The following CCDC88C variants were observed in gnomAD, a reference collection of about 807,000 sequenced individuals.
The protein encoded by CCDC88C is protein Daple.
In CCDC88C, 131 loss-of-function variants were observed where a neutral mutation model predicts 198.8. The ratio of observed to expected loss-of-function variants is 0.66; its 90% CI spans 0.57 to 0.76. The LOEUF (loss-of-function observed/expected upper bound fraction) is 0.76. CCDC88C is among the 30% of genes least tolerant of loss of function. The pLI, the probability that CCDC88C is intolerant of heterozygous loss-of-function variation, is 0.00. For missense variants in CCDC88C, 2,553 were observed against 2,631.6 expected (o/e 0.97, Z 0.65); for synonymous variants, 1,166 against 1,114.7 (o/e 1.05, Z -0.92).
chr14:91,386,046 T>C (rs762013391), intron 3 of CCDC88C, among the ~76,000 whole-genome samples: 4 of 152,140 alleles, frequency 2.6e-5, no homozygotes, highest in African/African-American at 4.8e-5. Context: ...CAGGGCCTCA[T>C]TACCTATCTG....
intron 23 of CCDC88C, among the ~76,000 whole-genome samples, chr14:91,291,868 G>C (rs538516484): frequency 1.4e-4 from 21 of 152,310 alleles, no homozygotes; most frequent in Admixed American, 2.6e-4. Flanking sequence ...GCTTACCGGG[G>C]AGACCTTGGC....
At position 91,278,216 on chromosome 14, in the gene CCDC88C, G is replaced by C. The variant is rs1217536362; in HGVS notation, c.4769-5C>G. On this transcript the variant is annotated splice_polypyrimidine_tract_variant and splice_region_variant and intron_variant, in intron 28 of 29. Transcript: ENST00000389857. ...CATGGAGCTGCTCGGAGGAGCCTGG[G>C]TGTCAGGGCAGGAGACAGAGGACCC... 1.3e-6 allele frequency: 2 copies of C among 1,590,656 alleles called. No individual in the cohort carries two copies. Among genetic ancestry groups the C allele is most frequent in the Non-Finnish European group, 8.6e-7 (1 of 1,165,324 alleles).
intron 3 of CCDC88C, among the ~76,000 whole-genome samples, chr14:91,392,747 A>ACTCTCACCGCGCCCCTCACTCTCACCG (rs1567118385): frequency 3.4e-5 from 5 of 147,494 alleles, no homozygotes; most frequent in African/African-American, 1.3e-4. Flanking sequence ...CACTCTCACC[A>ACTCTCACCGCGCCCCTCACTCTCACCG]CGCCCCTCAC....
At chr14:91,274,354 C>CT (rs1318537176) in intron 29 of CCDC88C, among the ~76,000 whole-genome samples, 1 of 152,208 alleles carries the variant, frequency 6.6e-6, no homozygotes, top group African/African-American at 2.4e-5. Flanking sequence ...TGTGCTTCCC[C>CT]TGCCCAGGGA....
At chr14:91,302,148 A>C (rs982991267) in intron 20 of CCDC88C, among the ~76,000 whole-genome samples, 4 of 152,222 alleles carry the variant, frequency 2.6e-5, no homozygotes, top group African/African-American at 9.6e-5. Flanking sequence ...ACCCACAAGC[A>C]TCATCAGCGC....
rs1894772751 is a variant in CCDC88C at position 91,371,048 on chromosome 14, G to A, written c.271-11337C>T. Among the ~76,000 whole-genome samples, 1 of 152,150 alleles carries A rather than the reference G, an allele frequency of 6.6e-6. No individual in the cohort carries two copies. Among genetic ancestry groups the A allele is most frequent in the Non-Finnish European group, 1.5e-5 (1 of 68,014 alleles). ...AGAAGGACTTCAAGGATTAGGCTAA[G>A]GATGGAGAGAGCAGGACCCTTTCCC... On this transcript the variant is annotated intron_variant, in intron 3 of 29. Transcript: ENST00000389857. This position sits in a 1 kb window ranked among gnomAD's most constrained non-coding sequence, Gnocchi z 4.2.
At chr14:91,382,164 A>G (rs1884838888) in intron 3 of CCDC88C, among the ~76,000 whole-genome samples, 1 of 152,158 alleles carries the variant, frequency 6.6e-6, no homozygotes. Context: ...AACACTGTGT[A>G]TGGAGCGCTA....
intron 10 of CCDC88C, among the ~76,000 whole-genome samples, chr14:91,334,866 A>G (rs769952726): frequency 6.6e-6 from 1 of 152,170 alleles, no homozygotes; most frequent in Admixed American, 6.5e-5. Flanking sequence ...TCCCATCTCA[A>G]AGCAGCTCAG....
intron 4 of CCDC88C, among the ~76,000 whole-genome samples, chr14:91,358,406 C>T (rs1894142662): frequency 6.6e-6 from 1 of 152,174 alleles, no homozygotes; most frequent in South Asian, 2.1e-4. Flanking sequence ...TGACCCCTCA[C>T]CTACTCCAGG....
chr14:91,404,833 C>T (rs994060199), intron 3 of CCDC88C, among the ~76,000 whole-genome samples: 12 of 151,926 alleles, frequency 7.9e-5, no homozygotes, highest in African/African-American at 2.9e-4. Flanking sequence ...GGAGTGGTGG[C>T]AGGTGCCTGT....
chr14:91,394,154 C>G (rs1017620144), intron 3 of CCDC88C, among the ~76,000 whole-genome samples: 1 of 152,186 alleles, frequency 6.6e-6, no homozygotes, highest in African/African-American at 2.4e-5. Context: ...GCTGGCTAGA[C>G]AAAGTTGAAA....
In CCDC88C at chr14:91,321,076, C is replaced by T. The variant is rs758906102; in HGVS notation, c.1527+44G>A. On this transcript the variant is annotated intron_variant, in intron 13 of 29. Coordinates refer to ENST00000389857, the MANE Select transcript of CCDC88C (RefSeq NM_001080414.4). Reference sequence around the variant, plus strand: ...TCACTGGGGAGGATGGGAGGGTGCCCAAGGGTTCTGTGCTTCCCCGGTGGC... The same window carrying T: ...TCACTGGGGAGGATGGGAGGGTGCCTAAGGGTTCTGTGCTTCCCCGGTGGC... The T allele has an allele frequency of 1.3e-5, 20 of 1,543,526 alleles. No homozygotes were observed. The Middle Eastern group carries it at 1.4e-3, about 109-fold the overall frequency.
At chr14:91,317,855 C>A (rs1003062296) in intron 13 of CCDC88C, among the ~76,000 whole-genome samples, 2 of 152,190 alleles carry the variant, frequency 1.3e-5, no homozygotes, top group Non-Finnish European at 2.9e-5. Flanking sequence ...GGCGACGCCC[C>A]CGCCAGGTCC....
At chr14:91,309,585 G>A (rs1319518209) in intron 16 of CCDC88C, among the ~76,000 whole-genome samples, 1 of 148,328 alleles carries the variant, frequency 6.7e-6, no homozygotes, top group Non-Finnish European at 1.5e-5. Flanking sequence ...ACTCCAGCCT[G>A]GACAACAGAG....
Position 91,339,521 on chromosome 14 carries a change from C to A in CCDC88C, c.625-59G>T. 6.7e-7 allele frequency: 1 copy of A among 1,501,758 alleles called. No homozygotes were observed. Among genetic ancestry groups the A allele is most frequent in the East Asian group, 2.4e-5 (1 of 42,286 alleles). 93.0% of individuals were successfully genotyped at this position (1,501,758 alleles called of 1,614,324 possible). A position where few individuals can be genotyped will look rare whatever the true frequency, so the allele number is the denominator to read the frequency against. Reference sequence around the variant, plus strand: ...CAAACGGGGTTAACCAGCACAACGCCTGAGCTTGAACAGGGTGAAGAAACC... The same window carrying A: ...CAAACGGGGTTAACCAGCACAACGCATGAGCTTGAACAGGGTGAAGAAACC... On this transcript the variant is annotated intron_variant, in intron 7 of 29. Transcript: ENST00000389857. This position sits in a 1 kb window ranked among gnomAD's most constrained non-coding sequence, Gnocchi z 5.8.
chr14:91,331,718 C>T (rs149805258), intron 10 of CCDC88C, among the ~76,000 whole-genome samples: 15 of 152,322 alleles, frequency 9.8e-5, no homozygotes, highest in Admixed American at 3.9e-4. Flanking sequence ...AGGCTCCCCA[C>T]GGACAGGTGC....
Position 91,277,984 on chromosome 14 carries a change from TG to T in CCDC88C, c.4995del (p.Ser1666AlafsTer31). 1 of 1,564,854 alleles carries T rather than the reference TG, an allele frequency of 6.4e-7. No homozygotes were observed. The highest frequency in any genetic ancestry group is 8.7e-7 in the Non-Finnish European group (1 of 1,152,356). ...TCCTCCAAGGTGACCATCTCACTGC[TG>T]GGGGAGGCCGAGCAGGGCCGCACTC... ...YVGVRPCSAS[P>X]SSEMVTLEEF... On this transcript the variant is annotated frameshift_variant, in exon 29 of 30. Transcript: ENST00000389857. LOFTEE classifies it high-confidence loss of function.
At chr14:91,354,021 T>C (rs959117844) in intron 4 of CCDC88C, among the ~76,000 whole-genome samples, 1 of 152,190 alleles carries the variant, frequency 6.6e-6, no homozygotes, top group African/African-American at 2.4e-5. Context: ...ATTTATGGTG[T>C]GAAATCTGTC....
chr14:91,345,190 A>ATATATATATATATAT (rs1246878587), intron 4 of CCDC88C, among the ~76,000 whole-genome samples: 2 of 52,204 alleles, frequency 3.8e-5, no homozygotes, highest in African/African-American at 1.6e-4. Flanking sequence ...ATATATATAT[A>ATATATATATATATAT]TTTTTTTTTT....
Sources: gnomAD v4.1 joint callset for allele counts (sites outside exome capture counted in the v4.1 genomes callset) on GRCh38, gnomAD v4.1.1 for gene constraint, Gnocchi (gnomAD v3.1) non-coding constraint, MANE v1.5 for transcripts, NCBI Gene and HGNC (gene_info 2026-07-23, HGNC 2026-07-21) for gene names.